HIP1R: variants seen among roughly 807,000 people sequenced by gnomAD.
The protein encoded by HIP1R is huntingtin interacting protein 1 related, also known as huntingtin-interacting protein 1-related protein.
HIP1R carries 135 observed loss-of-function variants against 144.2 expected under a neutral mutation model. The observed-to-expected ratio is 0.94, with a 90% confidence interval of 0.81 to 1.08. The LOEUF is 1.08. HIP1R is among the 50% of genes least tolerant of loss of function. The probability of loss-of-function intolerance (pLI) is 0.00; values close to 1 mark genes in which losing one functional copy is unlikely to be tolerated. For synonymous variants in HIP1R, 698 were observed against 612.8 expected (o/e 1.14, Z -2.05); for missense variants, 1,462 against 1,432.8 (o/e 1.02, Z -0.33).
In HIP1R at chr12:122,848,073, G is replaced by A. The variant is rs747647256; in HGVS notation, c.136G>A (p.Val46Met). The A allele has an allele frequency of 1.2e-5, 19 of 1,613,468 alleles. No individual in the cohort carries two copies. Among genetic ancestry groups the A allele is most frequent in the African/African-American group, 6.7e-5 (5 of 74,924 alleles). Residue 46 changes from valine (V) to methionine (M), a missense_variant, in exon 2 of 32, where the codon GTG becomes ATG. Around this residue, in one of 2 missense-constraint regions of HIP1R, gnomAD observed 350 missense variants for 421.1 expected, o/e 0.83. Coordinates refer to ENST00000253083, the MANE Select transcript of HIP1R (RefSeq NM_003959.3). ...SKAINTQEAPVKEKHARRIIL... is the reference protein window; with the variant it reads ...SKAINTQEAPMKEKHARRIIL... ...AGCCATCAACACCCAGGAGGCCCCC[G>A]TGAAGGAGAAGCACGCCCGGCGTAT... is the stretch of plus-strand genomic sequence containing the variant.
At chr12:122,859,392 G>A (rs1358742039) in intron 22 of HIP1R, 34 bp from the exon 23 acceptor site, 11 of 1,577,824 alleles carry the variant, frequency 7.0e-6, no homozygotes, top group Non-Finnish European at 9.6e-6. Context: ...GGGGGGGACG[G>A]AGGCTACCCC....
rs1300666413 is a variant in HIP1R at position 122,862,276 on chromosome 12, C to G, written c.*523C>G. The stretch of plus-strand genomic sequence containing the variant: ...ACCAGGCCCTCCAGCTGCGTGGTCT[C>G]CGCAGACCAGGCTCTGTGTGGGCTA... On this transcript the variant is annotated 3_prime_UTR_variant, in exon 32 of 32. Coordinates refer to ENST00000253083, the MANE Select transcript of HIP1R (RefSeq NM_003959.3). 6.4e-6 allele frequency: 1 copy of G among 155,292 alleles called. No homozygotes were observed. Among genetic ancestry groups the G allele is most frequent in the Non-Finnish European group, 1.4e-5 (1 of 70,482 alleles). 9.6% of individuals were successfully genotyped at this position (155,292 alleles called of 1,614,324 possible). A position where few individuals can be genotyped will look rare whatever the true frequency, so the allele number is the denominator to read the frequency against.
At chr12:122,852,096 C>CA (rs1240633252) in intron 7 of HIP1R, among the ~76,000 whole-genome samples, 1 of 152,204 alleles carries the variant, frequency 6.6e-6, no homozygotes, top group Non-Finnish European at 1.5e-5. Context: ...GTGGCAGCTT[C>CA]AAAACAACTC....
intron 18 of HIP1R, chr12:122,857,439 C>T (rs756975823): frequency 3.1e-5 from 19 of 604,310 alleles, no homozygotes; most frequent in South Asian, 1.5e-4. Context: ...CGTACTCTGC[C>T]GTGTGGACAG....
chr12:122,850,208 G>C (rs917566292), intron 5 of HIP1R: 27 of 634,640 alleles, frequency 4.3e-5, no homozygotes, highest in Non-Finnish European at 7.6e-5. Flanking sequence ...TGAGCGCTGG[G>C]CTTCCTCAGT....
At chr12:122,860,576 C>A in intron 27 of HIP1R, 53 bp downstream of exon 27, 2 of 1,577,136 alleles carry the variant, frequency 1.3e-6, no homozygotes. Flanking sequence ...CCAGTTGGAG[C>A]AGTTTGGGGT....
chr12:122,852,274 G>T (rs2135660144), intron 7 of HIP1R, among the ~76,000 whole-genome samples: 1 of 152,366 alleles, frequency 6.6e-6, no homozygotes, highest in Non-Finnish European at 1.5e-5. Flanking sequence ...GGTGGGCTCA[G>T]AGTTGGACCC....
At position 122,856,097 on chromosome 12, in the gene HIP1R, C is replaced by G; in HGVS notation, c.1246C>G (p.Leu416Val). The change falls in exon 14 of 32, where the codon CTG (leucine) becomes GTG (valine). Residue 416 changes from leucine to valine, a missense_variant. By Grantham distance (32) the Leu-to-Val change is conservative (BLOSUM62 1). Around this residue, in one of 2 missense-constraint regions of HIP1R, gnomAD observed 1,112 missense variants for 1,011.7 expected, o/e 1.10. Coordinates refer to ENST00000253083, the MANE Select transcript of HIP1R (RefSeq NM_003959.3). ...GGATAATGAGCAGCTCCGCCACGAGCTGGCCCAGCTGAGGGCTGCCCAGCT... is the reference window on the plus strand; with the variant it reads ...GGATAATGAGCAGCTCCGCCACGAGGTGGCCCAGCTGAGGGCTGCCCAGCT... The part of the protein sequence containing the change: ...LVDNEQLRHE[L>V]AQLRAAQLEG... 6.3e-7 allele frequency: 1 copy of G among 1,586,366 alleles called. No homozygotes were observed. Among genetic ancestry groups the G allele is most frequent in the South Asian group, 1.1e-5 (1 of 87,740 alleles).
rs550144555 is a variant in HIP1R at position 122,858,228 on chromosome 12, C to G, written c.1942C>G (p.Leu648Val). ...GAGCAAGCTGGACGACCCCCTGCAC[C>G]TGCGCTGTACCAGCTCCCCAGGTAG... ...AVSKLDDPLHLRCTSSPDYLV... is the reference protein window; with the variant it reads ...AVSKLDDPLHVRCTSSPDYLV... The change falls in exon 19 of 32, where the codon CTG (leucine) becomes GTG (valine). Residue 648 changes from leucine (L) to valine (V), a missense_variant. Leu to Val is a conservative substitution (Grantham distance 32, BLOSUM62 1). Transcript: ENST00000253083. 6.3e-7 allele frequency: 1 copy of G among 1,598,982 alleles called. No homozygotes were observed. Among genetic ancestry groups the G allele is most frequent in the Admixed American group, 1.7e-5 (1 of 58,908 alleles).
At chr12:122,857,299 T>A in intron 18 of HIP1R, 84 bp downstream of exon 18, 1 of 1,282,082 alleles carries the variant, frequency 7.8e-7, no homozygotes, top group Non-Finnish European at 1.1e-6. Context: ...CTGCCTGTTC[T>A]AGAGATTTCA....
In HIP1R at chr12:122,840,385, G is replaced by C. The variant is rs2033025494; in HGVS notation, c.93+4742G>C. Among the ~76,000 whole-genome samples, 1 of 152,238 alleles carries C rather than the reference G, an allele frequency of 6.6e-6. No homozygotes were observed. Among genetic ancestry groups the C allele is most frequent in the Non-Finnish European group, 1.5e-5 (1 of 68,042 alleles). ...TCTAAGAGGTGGAGAGATGCCAACTGTGGCCACGTGTGGAATGGTAGGGCA... is the reference window on the plus strand; with the variant it reads ...TCTAAGAGGTGGAGAGATGCCAACTCTGGCCACGTGTGGAATGGTAGGGCA... On this transcript the variant is annotated intron_variant, in intron 1 of 31. Coordinates refer to ENST00000253083, the MANE Select transcript of HIP1R (RefSeq NM_003959.3). The surrounding 1 kb of genome is among the most constrained non-coding windows in gnomAD (Gnocchi z 4.2).
intron 7 of HIP1R, 140 bp downstream of exon 7, chr12:122,851,437 T>C (rs2033391724): frequency 3.2e-6 from 2 of 624,128 alleles, no homozygotes; most frequent in East Asian, 3.5e-5. Flanking sequence ...GTGGCTCACA[T>C]CTGTAATCCC....
chr12:122,837,766 G>A lies in HIP1R; in HGVS notation c.93+2123G>A, dbSNP rs149465128. Among the ~76,000 whole-genome samples, 145 of 152,332 alleles carry A rather than the reference G, an allele frequency of 9.5e-4. No homozygotes were observed. The South Asian group carries it at 0.013, about 13-fold the overall frequency. On this transcript the variant is annotated intron_variant, in intron 1 of 31. Coordinates refer to ENST00000253083, the MANE Select transcript of HIP1R (RefSeq NM_003959.3). The stretch of plus-strand genomic sequence containing the variant: ...AAGTTGGAGTTTGAGTTCATTGTCT[G>A]GGTTTGCTCGTCTTCACAGTGACTT...
rs749792541 is a variant in HIP1R at position 122,860,464 on chromosome 12, C to T, written c.2601C>T (p.Arg867=). Residue 867 remains arginine (R), a synonymous_variant, in exon 27 of 32, where the codon CGC becomes CGT. Coordinates refer to ENST00000253083, the MANE Select transcript of HIP1R (RefSeq NM_003959.3). ...AGGAATTTTACGCCAAGAACTCGCG[C>T]TGGACCGAAGGCCTCATCTCGGCCT... ...TQQEFYAKNS[R]WTEGLISASK... is the part of the protein sequence containing the mutation. 1 of 1,613,414 alleles carries T rather than the reference C, an allele frequency of 6.2e-7. No homozygotes were observed. The highest frequency in any genetic ancestry group is 1.7e-5 in the Admixed American group (1 of 60,028).
chr12:122,854,847 C>T, intron 8 of HIP1R, 58 bp from the exon 9 acceptor site: 3 of 1,543,780 alleles, frequency 1.9e-6, no homozygotes, highest in African/African-American at 1.4e-5. Flanking sequence ...CAAGGCAGGG[C>T]AGGTGAGCCC....
Position 122,835,545 on chromosome 12 carries a change from G to A in HIP1R, c.-6G>A. 2 of 1,339,056 alleles carry A rather than the reference G, an allele frequency of 1.5e-6. No individual in the cohort carries two copies. The highest frequency in any genetic ancestry group is 1.9e-6 in the Non-Finnish European group (2 of 1,037,744). 82.9% of individuals were successfully genotyped at this position (1,339,056 alleles called of 1,614,324 possible). ...GAGCCGGACAAAAGCGGGCGGCGGCGGCAGGATGAACAGCATCAAGAACGT... is the reference window on the plus strand; with the variant it reads ...GAGCCGGACAAAAGCGGGCGGCGGCAGCAGGATGAACAGCATCAAGAACGT... On this transcript the variant is annotated 5_prime_UTR_variant, in exon 1 of 32. Transcript: ENST00000253083.
chr12:122,860,152 T>C lies in HIP1R; in HGVS notation c.2501T>C (p.Ile834Thr). The change falls in exon 26 of 32, where the codon ATC (isoleucine) becomes ACC (threonine). Residue 834 changes from isoleucine to threonine, a missense_variant. This residue lies in a region of HIP1R where 1,112 missense variants were observed against 1,011.7 expected (regional missense o/e 1.10). Coordinates refer to ENST00000253083, the MANE Select transcript of HIP1R (RefSeq NM_003959.3). ...LNSCTDLMKA[I>T]RLLVTTSTSL... ...TTGCTGTCTTGGTCTCGGCAGGCTATCCGGCTCCTGGTGACGACATCCACT... is the reference window on the plus strand; with the variant it reads ...TTGCTGTCTTGGTCTCGGCAGGCTACCCGGCTCCTGGTGACGACATCCACT... The C allele has an allele frequency of 6.3e-7, 1 of 1,581,866 alleles. No individual in the cohort carries two copies. The highest frequency in any genetic ancestry group is 1.1e-5 in the South Asian group (1 of 87,204).
Position 122,860,927 on chromosome 12 carries a change from C to G in HIP1R, c.2778C>G (p.Asn926Lys). Residue 926 changes from asparagine (N) to lysine (K), a missense_variant, in exon 29 of 32, where the codon AAC becomes AAG. By Grantham distance (94) the Asn-to-Lys change is moderately conservative. Transcript: ENST00000253083. ...QLVAASKVKA[N>K]KHSPHLSRLQ... is the part of the protein sequence containing the mutation. ...CTCTCGCCCCTCAGGTGAAGGCCAACAAGCACAGCCCCCACCTGAGCCGCC... is the reference window on the plus strand; with the variant it reads ...CTCTCGCCCCTCAGGTGAAGGCCAAGAAGCACAGCCCCCACCTGAGCCGCC... The G allele has an allele frequency of 1.9e-6, 3 of 1,612,098 alleles. No homozygotes were observed. The South Asian group carries it at 3.3e-5, about 18-fold the overall frequency.
At chr12:122,841,815 A>G (rs1045656796) in intron 1 of HIP1R, among the ~76,000 whole-genome samples, 3 of 152,184 alleles carry the variant, frequency 2.0e-5, no homozygotes, top group African/African-American at 7.2e-5. Context: ...TGTCACCCAC[A>G]AAGCCTGGGG....
Sources: gnomAD v4.1 joint callset for allele counts (sites outside exome capture counted in the v4.1 genomes callset) on GRCh38, gnomAD v4.1.1 for gene constraint, gnomAD v4.1.1 regional missense constraint, Gnocchi (gnomAD v3.1) non-coding constraint, MANE v1.5 for transcripts, NCBI Gene and HGNC (gene_info 2026-07-23, HGNC 2026-07-21) for gene names.